Variants in FRMD3 observed in about 807,000 individuals in gnomAD.
FRMD3 encodes FERM domain containing 3.
Under a neutral mutation model 70.2 loss-of-function variants are expected in FRMD3, and 33 were observed. The ratio of observed to expected loss-of-function variants is 0.47; its 90% CI spans 0.36 to 0.63. The LOEUF is 0.63. Ranked by LOEUF, FRMD3 falls within the 20% of genes least tolerant of loss-of-function variation. FRMD3 has a pLI of 0.00. For missense variants in FRMD3, 632 were observed against 711.4 expected, an observed-to-expected ratio of 0.89 and a Z score of 1.27; for synonymous variants, 279 against 255.9, an observed-to-expected ratio of 1.09 and a Z score of -0.86.
At chr9:83,407,464 G>C (rs1191417360) in intron 1 of FRMD3, among the ~76,000 whole-genome samples, 5 of 152,094 alleles carry the variant, frequency 3.3e-5, no homozygotes, top group Non-Finnish European at 7.4e-5. Context: ...ATTTCCCCCA[G>C]CCTCCACTCC....
rs1233933115 is a variant in FRMD3, at chr9:83,318,893, T to C, written c.597-5146A>G. ...GTGGTTTTAATTTGCATTTCTCTGA[T>C]GTTTAGTGATGTTGAACATTTTTTT... On this transcript the variant is annotated intron_variant, in intron 6 of 13. Transcript: ENST00000304195. Among the ~76,000 whole-genome samples, 5 of 152,200 alleles carry C rather than the reference T, an allele frequency of 3.3e-5. No homozygotes were observed. The East Asian group carries it at 9.6e-4, about 29-fold the overall frequency.
the FRMD3 span, among the ~76,000 whole-genome samples, chr9:83,574,838 A>G: frequency 2.0e-5 from 3 of 152,116 alleles, no homozygotes; most frequent in Non-Finnish European, 4.4e-5. Flanking sequence ...TGATTCTCCA[A>G]CTTCCCCATA....
intron 3 of FRMD3, among the ~76,000 whole-genome samples, chr9:83,367,811 A>G (rs934411369): frequency 1.6e-4 from 25 of 152,146 alleles, no homozygotes; most frequent in African/African-American, 6.0e-4. Context: ...GAAGAGATCT[A>G]TTTCATCTAA....
At chr9:83,511,891 T>C (rs1208461918) in intron 1 of FRMD3, among the ~76,000 whole-genome samples, 3 of 152,214 alleles carry the variant, frequency 2.0e-5, no homozygotes, top group Non-Finnish European at 4.4e-5. Flanking sequence ...AGCACTCACC[T>C]GGAATGCAGA....
At chr9:83,566,392 A>C in the FRMD3 span, among the ~76,000 whole-genome samples, 2 of 152,184 alleles carry the variant, frequency 1.3e-5, no homozygotes, top group Non-Finnish European at 2.9e-5. Flanking sequence ...GAGTGGGGAC[A>C]CAGCCACACC....
At chr9:83,302,027 T>C (rs964686672) in intron 10 of FRMD3, among the ~76,000 whole-genome samples, 9 of 152,210 alleles carry the variant, frequency 5.9e-5, no homozygotes, top group African/African-American at 1.9e-4. Context: ...GCTGAGATTT[T>C]TAATGAAACG....
intron 5 of FRMD3, 51 bp from the exon 6 acceptor site, chr9:83,335,690 A>T (rs1474148299): frequency 6.4e-7 from 1 of 1,562,632 alleles, no homozygotes; most frequent in Non-Finnish European, 8.7e-7. Context: ...AAACAATAAC[A>T]TGAGCAGGGT....
At chr9:83,527,016 A>G (rs1829698381) in intron 1 of FRMD3, among the ~76,000 whole-genome samples, 1 of 152,084 alleles carries the variant, frequency 6.6e-6, no homozygotes, top group South Asian at 2.1e-4. Flanking sequence ...CTCCAGGGTC[A>G]TTGTCCCTCA....
chr9:83,407,851 CTCTCTCTCTCTCTCTCTCTCTCATCTT>C (rs1826156290), intron 1 of FRMD3, among the ~76,000 whole-genome samples: 5 of 130,570 alleles, frequency 3.8e-5, no homozygotes, highest in Admixed American at 7.2e-5. Context: ...CTCTCTCTCT[CTCTCTCTCTCTCTCTCTCTCTCATCTT>C]TCTCTCTCTC....
chr9:83,361,398 C>T (rs1258030126), intron 3 of FRMD3, among the ~76,000 whole-genome samples: 1 of 152,150 alleles, frequency 6.6e-6, no homozygotes, highest in African/African-American at 2.4e-5. Flanking sequence ...TATGATTAGA[C>T]AAGTAGGTTA....
chr9:83,407,947 T>C (rs1463653618), intron 1 of FRMD3, among the ~76,000 whole-genome samples: 1 of 147,364 alleles, frequency 6.8e-6, no homozygotes, highest in African/African-American at 2.6e-5. Context: ...TTTCTCTCCA[T>C]GCAGCTCTCC....
chr9:83,306,930 C>G (rs2131036040), intron 10 of FRMD3, among the ~76,000 whole-genome samples: 1 of 152,262 alleles, frequency 6.6e-6, no homozygotes, highest in African/African-American at 2.4e-5. Context: ...TAAACATACT[C>G]TGCCACTGAA....
chr9:83,580,966 T>G, the FRMD3 span, among the ~76,000 whole-genome samples: 1 of 151,920 alleles, frequency 6.6e-6, no homozygotes, highest in East Asian at 1.9e-4. Flanking sequence ...AAAATAAAAG[T>G]GTTGTGGAGA....
chr9:83,316,089 C>T (rs1220219478), intron 6 of FRMD3, among the ~76,000 whole-genome samples: 1 of 151,888 alleles, frequency 6.6e-6, no homozygotes, highest in African/African-American at 2.4e-5. Context: ...TCCTGTTATC[C>T]ATAAGGACTC....
intron 13 of FRMD3, among the ~76,000 whole-genome samples, chr9:83,289,991 C>G (rs1157390975): frequency 6.6e-6 from 1 of 151,816 alleles, no homozygotes; most frequent in Non-Finnish European, 1.5e-5. Flanking sequence ...GGACACTTCA[C>G]TTTTTTTTAG....
intron 1 of FRMD3, among the ~76,000 whole-genome samples, chr9:83,476,747 C>T (rs1828408176): frequency 6.6e-6 from 1 of 152,226 alleles, no homozygotes; most frequent in Non-Finnish European, 1.5e-5. Context: ...CAGAACATAA[C>T]ATGGGTCTCC....
intron 1 of FRMD3, among the ~76,000 whole-genome samples, chr9:83,494,254 G>A (rs925230802): frequency 1.3e-5 from 2 of 152,242 alleles, no homozygotes; most frequent in African/African-American, 4.8e-5. Flanking sequence ...TCCACAGTGT[G>A]TGGAGGTGGT....
chr9:83,380,342 TG>T (rs1314689825), intron 2 of FRMD3, among the ~76,000 whole-genome samples: 2 of 152,208 alleles, frequency 1.3e-5, no homozygotes, highest in Non-Finnish European at 2.9e-5. Context: ...CCCTATGTTT[TG>T]GTTTCCTTAT....
At chr9:83,570,615 T>C in the FRMD3 span, among the ~76,000 whole-genome samples, 1 of 152,154 alleles carries the variant, frequency 6.6e-6, no homozygotes, top group Non-Finnish European at 1.5e-5. Flanking sequence ...TCAGACAGCA[T>C]TGCAAAGTGA....
Sources: allele counts gnomAD v4.1 joint callset (sites outside exome capture counted in the v4.1 genomes callset), GRCh38; gene constraint gnomAD v4.1.1; transcripts MANE v1.5; gene names NCBI Gene and HGNC (gene_info 2026-07-23, HGNC 2026-07-21).